SPTB: variants seen among roughly 807,000 people sequenced by gnomAD.
The protein encoded by SPTB is spectrin beta, erythrocytic.
In SPTB, 45 loss-of-function variants were observed where a neutral mutation model predicts 256.2. The observed-to-expected ratio is 0.18, with a 90% CI of 0.14 to 0.23. The LOEUF is 0.23. Ranked by LOEUF, SPTB falls within the 10% of genes least tolerant of loss-of-function variation. SPTB has a pLI of 1.00. For synonymous variants in SPTB, 1,231 were observed against 1,243.1 expected, an observed-to-expected ratio of 0.99 and a Z score of 0.21; for missense variants, 2,715 against 3,040.4, an observed-to-expected ratio of 0.89 and a Z score of 2.52.
chr14:64,878,795 C>T (rs1038603476), intron 1 of SPTB, among the ~76,000 whole-genome samples: 1 of 150,014 alleles, frequency 6.7e-6, no homozygotes, highest in Non-Finnish European at 1.5e-5. Flanking sequence ...ACCCCCCAAT[C>T]TGATGCATCT....
chr14:64,855,194 A>G (rs955963785), intron 1 of SPTB, among the ~76,000 whole-genome samples: 1 of 152,244 alleles, frequency 6.6e-6, no homozygotes, highest in African/African-American at 2.4e-5. Flanking sequence ...CAGCAAAGCT[A>G]AGAAAAGCAA....
chr14:64,761,171 C>T (rs2082088089), intron 32 of SPTB, among the ~76,000 whole-genome samples: 1 of 152,174 alleles, frequency 6.6e-6, no homozygotes, highest in Non-Finnish European at 1.5e-5. Flanking sequence ...AGAAGTGTTG[C>T]CCTCGCCCGG....
intron 19 of SPTB, among the ~76,000 whole-genome samples, chr14:64,783,291 C>T (rs1246702055): frequency 6.6e-6 from 1 of 152,048 alleles, no homozygotes; most frequent in Non-Finnish European, 1.5e-5. Flanking sequence ...GCAACCTCCG[C>T]CCCCCAGTTT....
At position 64,797,856 on chromosome 14, in the gene SPTB, A is replaced by G; in HGVS notation, c.1065-10T>C. 6.2e-7 allele frequency: 1 copy of G among 1,604,452 alleles called. No homozygotes were observed. Among genetic ancestry groups the G allele is most frequent in the Non-Finnish European group, 8.5e-7 (1 of 1,171,120 alleles). On this transcript the variant is annotated splice_polypyrimidine_tract_variant and intron_variant, in intron 9 of 35. Coordinates refer to ENST00000644917, the MANE Select transcript of SPTB (RefSeq NM_001355436.2). ...CCCCTTCTCTTGAAACCTGTCAAGAAAACAGAAGTAGGAAGACTGATGTTA... is the reference window on the plus strand; with the variant it reads ...CCCCTTCTCTTGAAACCTGTCAAGAGAACAGAAGTAGGAAGACTGATGTTA...
chr14:64,845,800 G>A lies in SPTB; in HGVS notation c.-51-22655C>T, dbSNP rs1410324479. 9.2e-5 allele frequency among the ~76,000 whole-genome samples: 14 copies of A among 152,012 alleles called. No homozygotes were observed. Among genetic ancestry groups the A allele is most frequent in the Non-Finnish European group, 2.1e-4 (14 of 67,998 alleles). On this transcript the variant is annotated intron_variant, in intron 1 of 35. Coordinates refer to ENST00000644917, the MANE Select transcript of SPTB (RefSeq NM_001355436.2). This position sits in a 1 kb window ranked among gnomAD's most constrained non-coding sequence, Gnocchi z 4.8. ...TTCATTGTTGAGTCAAATTATTTTC[G>A]ACTCTTTTAAAATGTTATCATTTTA... is the stretch of plus-strand genomic sequence containing the variant.
intron 7 of SPTB, 96 bp downstream of exon 7, chr14:64,801,189 C>T (rs1047539699): frequency 1.8e-6 from 2 of 1,081,442 alleles, no homozygotes; most frequent in Non-Finnish European, 2.7e-6. Context: ...AGCACCTGGG[C>T]CGGCCTCCAG....
At position 64,758,129 on chromosome 14, in the gene SPTB, T is replaced by G. The variant is rs951817593; in HGVS notation, c.6346-4336A>C. On this transcript the variant is annotated intron_variant, in intron 32 of 35. Transcript: ENST00000644917. The surrounding 1 kb of genome is among the most constrained non-coding windows in gnomAD (Gnocchi z 4.6). ...ATGTCTGTAAATGTTGGCTTTCTTATGATCCTTCACCCCTCCCTATCCACC... is the reference window on the plus strand; with the variant it reads ...ATGTCTGTAAATGTTGGCTTTCTTAGGATCCTTCACCCCTCCCTATCCACC... Among the ~76,000 whole-genome samples, 2 of 152,258 alleles carry G rather than the reference T, an allele frequency of 1.3e-5. No individual in the cohort carries two copies. The highest frequency in any genetic ancestry group is 4.8e-5 in the African/African-American group (2 of 41,472).
At chr14:64,849,208 T>G (rs2083740725) in intron 1 of SPTB, among the ~76,000 whole-genome samples, 1 of 152,154 alleles carries the variant, frequency 6.6e-6, no homozygotes, top group Admixed American at 6.5e-5. Flanking sequence ...GTTTCCAAAT[T>G]TAAAACGTTC....
chr14:64,831,081 G>T (rs75485492), intron 1 of SPTB, among the ~76,000 whole-genome samples: 75 of 152,180 alleles, frequency 4.9e-4, no homozygotes, highest in African/African-American at 1.5e-3. Flanking sequence ...AGTGGAGGGG[G>T]CAGGCAAGAT....
intron 1 of SPTB, among the ~76,000 whole-genome samples, chr14:64,864,432 G>T (rs1882036243): frequency 6.6e-6 from 1 of 152,154 alleles, no homozygotes; most frequent in Admixed American, 6.5e-5. Context: ...CTGGGCAACA[G>T]AGCAAGACCC....
Position 64,793,540 on chromosome 14 carries a change from T to G in SPTB, c.2123A>C (p.Gln708Pro). The change falls in exon 14 of 36, where the codon CAG (glutamine) becomes CCG (proline). Residue 708 changes from glutamine to proline, a missense_variant. By Grantham distance (76) the Gln-to-Pro change is moderately conservative. Around this residue, in one of 4 missense-constraint regions of SPTB, gnomAD observed 2,239 missense variants for 2,384.4 expected, o/e 0.94. Coordinates refer to ENST00000644917, the MANE Select transcript of SPTB (RefSeq NM_001355436.2). This position sits in a 1 kb window ranked among gnomAD's most constrained non-coding sequence, Gnocchi z 7.0. Reference sequence around the variant, plus strand: ...GGCCTCGATCTGCGGGTGCCCAAACTGCTTGCGCGCAACCATGCCATGAGC... The same window carrying G: ...GGCCTCGATCTGCGGGTGCCCAAACGGCTTGCGCGCAACCATGCCATGAGC... ...QEAHGMVARKQFGHPQIEARI... is the reference protein window; with the variant it reads ...QEAHGMVARKPFGHPQIEARI... The G allele has an allele frequency of 1.2e-6, 2 of 1,614,106 alleles. No homozygotes were observed. Among genetic ancestry groups the G allele is most frequent in the Non-Finnish European group, 1.7e-6 (2 of 1,180,026 alleles).
rs1427482669 is a variant in SPTB, at chr14:64,802,757, C to A, written c.475-440G>T. Among the ~76,000 whole-genome samples, 3 of 152,206 alleles carry A rather than the reference C, an allele frequency of 2.0e-5. No homozygotes were observed. The highest frequency in any genetic ancestry group is 3.8e-4 in the East Asian group (2 of 5,200). On this transcript the variant is annotated intron_variant, in intron 4 of 35. Coordinates refer to ENST00000644917, the MANE Select transcript of SPTB (RefSeq NM_001355436.2). This position sits in a 1 kb window ranked among gnomAD's most constrained non-coding sequence, Gnocchi z 5.1. ...CAACACCACATCCTGAGGCCCTGTG[C>A]CCCAGCAGCCTGCTTCCCTGCCTCA...
Position 64,779,254 on chromosome 14 carries a change from G to A in SPTB, c.4474-8C>T. ...CCTCTCCTCCACCCAAAGCTGCAGAGACCAGGAGGCAGGAGAGAGCTGATG... is the reference window on the plus strand; with the variant it reads ...CCTCTCCTCCACCCAAAGCTGCAGAAACCAGGAGGCAGGAGAGAGCTGATG... On this transcript the variant is annotated splice_region_variant and splice_polypyrimidine_tract_variant and intron_variant, in intron 21 of 35. Coordinates refer to ENST00000644917, the MANE Select transcript of SPTB (RefSeq NM_001355436.2). The surrounding 1 kb of genome is among the most constrained non-coding windows in gnomAD (Gnocchi z 4.2). 1 of 1,611,006 alleles carries A rather than the reference G, an allele frequency of 6.2e-7. No homozygotes were observed. The highest frequency in any genetic ancestry group is 1.7e-4 in the Middle Eastern group (1 of 6,054).
At chr14:64,763,466 C>T (rs1046106392) in intron 32 of SPTB, among the ~76,000 whole-genome samples, 3 of 152,246 alleles carry the variant, frequency 2.0e-5, no homozygotes, top group African/African-American at 4.8e-5. Context: ...CCAGGTACCA[C>T]AGCACTAAGC....
intron 1 of SPTB, among the ~76,000 whole-genome samples, chr14:64,872,310 A>G (rs564620357): frequency 1.3e-5 from 2 of 152,146 alleles, no homozygotes; most frequent in East Asian, 1.9e-4. Flanking sequence ...TCAGAACCCA[A>G]CTGCATCTCA....
chr14:64,756,097 A>T (rs1311078189), intron 32 of SPTB: 1 of 152,228 alleles, frequency 6.6e-6, no homozygotes. Context: ...CAGGAACCTA[A>T]ATAGAGTGTG....
At chr14:64,794,912 C>A (rs190137195) in intron 12 of SPTB, among the ~76,000 whole-genome samples, 1 of 152,346 alleles carries the variant, frequency 6.6e-6, no homozygotes, top group East Asian at 1.9e-4. Flanking sequence ...GCTCCAGGGG[C>A]AGTCTGATGT....
At chr14:64,815,226 A>G (rs229673) in intron 2 of SPTB, among the ~76,000 whole-genome samples, 56,449 of 152,118 alleles carry the variant, frequency 0.37, 12,002 homozygotes, top group African/African-American at 0.59. Flanking sequence ...GGCAGGAGCC[A>G]AGAGGCTCAA....
chr14:64,796,591 G>T lies in SPTB; in HGVS notation c.1307C>A (p.Thr436Asn), dbSNP rs2082773678. Residue 436 changes from threonine (T) to asparagine (N), a missense_variant, in exon 11 of 36, where the codon ACC becomes AAC. Thr to Asn is a moderately conservative substitution (Grantham distance 65). Transcript: ENST00000644917. This position sits in a 1 kb window ranked among gnomAD's most constrained non-coding sequence, Gnocchi z 4.1. ...GAGGCGCTGGTTTTCACTGAGCCAG[G>T]TCTCTCTCATTGCGGCCTTCCGGTC... is the stretch of plus-strand genomic sequence containing the variant. ...RFDRKAAMRE[T>N]WLSENQRLVA... is the part of the protein sequence containing the mutation. The T allele has an allele frequency of 3.7e-6, 6 of 1,614,210 alleles. No homozygotes were observed. The highest frequency in any genetic ancestry group is 5.1e-6 in the Non-Finnish European group (6 of 1,180,042).
Sources: gnomAD v4.1 joint callset for allele counts (sites outside exome capture counted in the v4.1 genomes callset) on GRCh38, gnomAD v4.1.1 for gene constraint, gnomAD v4.1.1 regional missense constraint, Gnocchi (gnomAD v3.1) non-coding constraint, MANE v1.5 for transcripts, NCBI Gene and HGNC (gene_info 2026-07-23, HGNC 2026-07-21) for gene names.